Variants in TMEM107 observed in about 807,000 individuals in gnomAD.
TMEM107 encodes transmembrane protein 107.
A neutral mutation model predicts 16.8 loss-of-function variants in TMEM107; 18 were observed. The ratio of observed to expected loss-of-function variants is 1.07; its 90% confidence interval spans 0.74 to 1.59. TMEM107 has a LOEUF of 1.59. Among genes scored for constraint, TMEM107 ranks in the 40% most tolerant of loss-of-function variants. TMEM107 has a pLI of 0.00. For missense variants in TMEM107, 152 were observed against 175.4 expected, an observed-to-expected ratio of 0.87 and a Z score of 0.75; for synonymous variants, 68 against 71.6, an observed-to-expected ratio of 0.95 and a Z score of 0.25.
At chr17:8,174,665 A>G in intron 3 of TMEM107, 49 bp from the exon 4 acceptor site, 3 of 1,555,970 alleles carry the variant, frequency 1.9e-6, no homozygotes, top group Non-Finnish European at 2.7e-6. Flanking sequence ...ACAGACAGTG[A>G]TGGGTCAGAA....
Position 8,173,375 on chromosome 17 carries a change from T to C in TMEM107, c.*828A>G, listed in dbSNP as rs753374757. 49 of 671,130 alleles carry C rather than the reference T, an allele frequency of 7.3e-5. No individual in the cohort carries two copies. The highest frequency in any genetic ancestry group is 1.6e-4 in the East Asian group (6 of 38,138). The allele number at this position is 671,130 out of a possible 1,614,324, so 41.6% of individuals were successfully genotyped here. A position where few individuals can be genotyped will look rare whatever the true frequency, so the allele number is the denominator to read the frequency against. On this transcript the variant is annotated 3_prime_UTR_variant, in exon 5 of 5. Transcript: ENST00000437139. ...GCAAAATAGACAAACAGCAAGGTTATCCCAGTCAGAACTTCATAGCTATGT... is the reference window on the plus strand; with the variant it reads ...GCAAAATAGACAAACAGCAAGGTTACCCCAGTCAGAACTTCATAGCTATGT...
Position 8,174,116 on chromosome 17 carries a change from C to T in TMEM107, c.*87G>A, listed in dbSNP as rs1983927510. ...GCAGAAGCAGTTTCCGAGGGGAAAA[C>T]CGAAGCCTATGCCTTCCTTCTTCCA... On this transcript the variant is annotated 3_prime_UTR_variant, in exon 5 of 5. Coordinates refer to ENST00000437139, the MANE Select transcript of TMEM107 (RefSeq NM_183065.4). 4 of 1,210,814 alleles carry T rather than the reference C, an allele frequency of 3.3e-6. No homozygotes were observed. The highest frequency in any genetic ancestry group is 4.9e-6 in the Non-Finnish European group (4 of 817,718). 75.0% of individuals were successfully genotyped at this position (1,210,814 alleles called of 1,614,324 possible).
In TMEM107 at chr17:8,173,443, C is replaced by A. The variant is rs116395281; in HGVS notation, c.*760G>T. On this transcript the variant is annotated 3_prime_UTR_variant, in exon 5 of 5. Coordinates refer to ENST00000437139, the MANE Select transcript of TMEM107 (RefSeq NM_183065.4). Reference sequence around the variant, plus strand: ...TCAGCATAACACAAATGTAAGTGATCGTCAGAAAGAATCAGACAGGAGCAA... The same window carrying A: ...TCAGCATAACACAAATGTAAGTGATAGTCAGAAAGAATCAGACAGGAGCAA... 2.4e-3 allele frequency: 1,800 copies of A among 761,446 alleles called. 11 individuals carry two copies. The highest frequency in any genetic ancestry group is 0.02 in the African/African-American group (1,155 of 59,166). 47.2% of individuals were successfully genotyped at this position (761,446 alleles called of 1,614,324 possible). A position where few individuals can be genotyped will look rare whatever the true frequency, so the allele number is the denominator to read the frequency against.
In TMEM107 at chr17:8,175,027, C is replaced by G. The variant is rs376114927; in HGVS notation, c.257-411G>C. The G allele has an allele frequency of 8.1e-4, 159 of 196,844 alleles. 2 individuals carry two copies. In the South Asian group the frequency reaches 8.1e-3, roughly 10 times the overall value. The allele number at this position is 196,844 out of a possible 1,614,324, so 12.2% of individuals were successfully genotyped here. On this transcript the variant is annotated intron_variant, in intron 3 of 4. Coordinates refer to ENST00000437139, the MANE Select transcript of TMEM107 (RefSeq NM_183065.4). ...CTTTGCCTCTTCTGAGTTCCCAGTG[C>G]TCGCTTCCGTTGCCTCTTCTGAGTT...
At chr17:8,174,363 G>A (rs1983954611) in intron 4 of TMEM107, 91 bp from the exon 5 acceptor site, 1 of 1,343,212 alleles carries the variant, frequency 7.4e-7, no homozygotes, top group Non-Finnish European at 1.1e-6. Flanking sequence ...GTGTAGGGCA[G>A]GTGGCATGGG....
At position 8,173,474 on chromosome 17, in the gene TMEM107, G is replaced by C. The variant is rs148801759; in HGVS notation, c.*729C>G. The C allele has an allele frequency of 8.1e-5, 62 of 764,652 alleles. 1 individual carries two copies. Among genetic ancestry groups the C allele is most frequent in the South Asian group, 6.3e-4 (47 of 74,548 alleles). The allele number at this position is 764,652 out of a possible 1,614,324, so 47.4% of individuals were successfully genotyped here. Reference sequence around the variant, plus strand: ...AAAGAATCAGACAGGAGCAATCAGGGTGTTGCAAGTCCTGATTACGCAGAG... The same window carrying C: ...AAAGAATCAGACAGGAGCAATCAGGCTGTTGCAAGTCCTGATTACGCAGAG... On this transcript the variant is annotated 3_prime_UTR_variant, in exon 5 of 5. Coordinates refer to ENST00000437139, the MANE Select transcript of TMEM107 (RefSeq NM_183065.4).
At chr17:8,174,807 T>A (rs1329451180) in intron 3 of TMEM107, 191 bp from the exon 4 acceptor site, 2 of 601,512 alleles carry the variant, frequency 3.3e-6, no homozygotes, top group Non-Finnish European at 5.9e-6. Flanking sequence ...CAGAAGTGAC[T>A]GCACAGATCG....
chr17:8,173,293 T>G lies in TMEM107; in HGVS notation c.*910A>C, dbSNP rs1486769833. The stretch of plus-strand genomic sequence containing the variant: ...AGCAACAAAAACCAAATCACAATTT[T>G]CAAGAACAAACAAATTTAGCAAGAC... On this transcript the variant is annotated 3_prime_UTR_variant, in exon 5 of 5. Coordinates refer to ENST00000437139, the MANE Select transcript of TMEM107 (RefSeq NM_183065.4). The G allele has an allele frequency of 7.4e-6, 4 of 537,450 alleles. No homozygotes were observed. In the South Asian group the frequency reaches 1.1e-4, roughly 15 times the overall value. The allele number at this position is 537,450 out of a possible 1,614,324, so 33.3% of individuals were successfully genotyped here.
In TMEM107 at chr17:8,173,544, T is replaced by C. The variant is rs143605147; in HGVS notation, c.*659A>G. 3.4e-4 allele frequency: 262 copies of C among 765,382 alleles called. 1 individual carries two copies. Among genetic ancestry groups the C allele is most frequent in the East Asian group, 1.5e-3 (61 of 41,242 alleles). The allele number at this position is 765,382 out of a possible 1,614,324, so 47.4% of individuals were successfully genotyped here. ...CATCTCCAATCATCATGTTCTAATC[T>C]GCCCTCCGGAGGAGGAACAGGTAAG... On this transcript the variant is annotated 3_prime_UTR_variant, in exon 5 of 5. Coordinates refer to ENST00000437139, the MANE Select transcript of TMEM107 (RefSeq NM_183065.4).
At position 8,173,345 on chromosome 17, in the gene TMEM107, A is replaced by G. The variant is rs151227496; in HGVS notation, c.*858T>C. Reference sequence around the variant, plus strand: ...GCAAAATAGACAAACAGCAATAGCAAGACTGCAAAATAGACAAACAGCAAG... The same window carrying G: ...GCAAAATAGACAAACAGCAATAGCAGGACTGCAAAATAGACAAACAGCAAG... On this transcript the variant is annotated 3_prime_UTR_variant, in exon 5 of 5. Transcript: ENST00000437139. 4.0e-3 allele frequency: 2,403 copies of G among 600,226 alleles called. 33 individuals are homozygous for G. The highest frequency in any genetic ancestry group is 0.028 in the Admixed American group (1,154 of 41,432). 37.2% of individuals were successfully genotyped at this position (600,226 alleles called of 1,614,324 possible).
chr17:8,175,923 C>T, intron 2 of TMEM107, 36 bp downstream of exon 2: 2 of 1,614,214 alleles, frequency 1.2e-6, no homozygotes, highest in Non-Finnish European at 1.7e-6. Flanking sequence ...ACTCCCACCA[C>T]CTCTTCGTTC....
intron 3 of TMEM107, chr17:8,175,469 T>G: frequency 1.7e-6 from 1 of 599,368 alleles, no homozygotes. Flanking sequence ...CGGTGGGGTT[T>G]TTATTATTCC....
Position 8,173,557 on chromosome 17 carries a change from AG to A in TMEM107, c.*645del, listed in dbSNP as rs750849232. 3.9e-6 allele frequency: 3 copies of A among 765,404 alleles called. No individual in the cohort carries two copies. In the Admixed American group the frequency reaches 5.1e-5, roughly 13 times the overall value. The allele number at this position is 765,404 out of a possible 1,614,324, so 47.4% of individuals were successfully genotyped here. A position where few individuals can be genotyped will look rare whatever the true frequency, so the allele number is the denominator to read the frequency against. On this transcript the variant is annotated 3_prime_UTR_variant, in exon 5 of 5. Coordinates refer to ENST00000437139, the MANE Select transcript of TMEM107 (RefSeq NM_183065.4). ...CATGTTCTAATCTGCCCTCCGGAGGAGGAACAGGTAAGGATTATCCCACCTG... is the reference window on the plus strand; with the variant it reads ...CATGTTCTAATCTGCCCTCCGGAGGAGAACAGGTAAGGATTATCCCACCTG...
rs757103474 is a variant in TMEM107 at position 8,173,434 on chromosome 17, G to GT, written c.*768dup. 1 of 760,474 alleles carries GT rather than the reference G, an allele frequency of 1.3e-6. No individual in the cohort carries two copies. The highest frequency in any genetic ancestry group is 1.7e-5 in the Admixed American group (1 of 58,788). The allele number at this position is 760,474 out of a possible 1,614,324, so 47.1% of individuals were successfully genotyped here. A position where few individuals can be genotyped will look rare whatever the true frequency, so the allele number is the denominator to read the frequency against. ...ATCTGCTAATCAGCATAACACAAAT[G>GT]TAAGTGATCGTCAGAAAGAATCAGA... On this transcript the variant is annotated 3_prime_UTR_variant, in exon 5 of 5. Coordinates refer to ENST00000437139, the MANE Select transcript of TMEM107 (RefSeq NM_183065.4).
chr17:8,176,047 G>C, intron 1 of TMEM107, 21 bp from the exon 2 acceptor site: 2 of 1,614,204 alleles, frequency 1.2e-6, no homozygotes, highest in Non-Finnish European at 1.7e-6. Flanking sequence ...GGCACAGGAA[G>C]AGAAGTGAAA....
Position 8,173,441 on chromosome 17 carries a change from A to T in TMEM107, c.*762T>A, listed in dbSNP as rs200916348. On this transcript the variant is annotated 3_prime_UTR_variant, in exon 5 of 5. Coordinates refer to ENST00000437139, the MANE Select transcript of TMEM107 (RefSeq NM_183065.4). Reference sequence around the variant, plus strand: ...AATCAGCATAACACAAATGTAAGTGATCGTCAGAAAGAATCAGACAGGAGC... The same window carrying T: ...AATCAGCATAACACAAATGTAAGTGTTCGTCAGAAAGAATCAGACAGGAGC... 1 of 761,414 alleles carries T rather than the reference A, an allele frequency of 1.3e-6. No individual in the cohort carries two copies. Among genetic ancestry groups the T allele is most frequent in the Non-Finnish European group, 2.4e-6 (1 of 416,014 alleles). The allele number at this position is 761,414 out of a possible 1,614,324, so 47.2% of individuals were successfully genotyped here.
rs368022715 is a variant in TMEM107 at position 8,173,565 on chromosome 17, G to T, written c.*638C>A. ...AATCTGCCCTCCGGAGGAGGAACAG[G>T]TAAGGATTATCCCACCTGACGATAC... On this transcript the variant is annotated 3_prime_UTR_variant, in exon 5 of 5. Transcript: ENST00000437139. 3 of 765,266 alleles carry T rather than the reference G, an allele frequency of 3.9e-6. No individual in the cohort carries two copies. The highest frequency in any genetic ancestry group is 4.8e-5 in the East Asian group (2 of 41,246). 47.4% of individuals were successfully genotyped at this position (765,266 alleles called of 1,614,324 possible).
chr17:8,172,870 A>AAC lies in TMEM107; in HGVS notation c.*1332_*1333insGT, dbSNP rs1555525289. On this transcript the variant is annotated 3_prime_UTR_variant, in exon 5 of 5. Coordinates refer to ENST00000437139, the MANE Select transcript of TMEM107 (RefSeq NM_183065.4). Reference sequence around the variant, plus strand: ...GAGACTGTCTCAAAAAAAAAAAAAAAAAAAACCAAAAGAGGGGGGTGGTCA... The same window carrying AAC: ...GAGACTGTCTCAAAAAAAAAAAAAAAACAAAAACCAAAAGAGGGGGGTGGTCA... Among the ~76,000 whole-genome samples, 2 of 139,056 alleles carry AAC rather than the reference A, an allele frequency of 1.4e-5. No individual in the cohort carries two copies. Among genetic ancestry groups the AAC allele is most frequent in the African/African-American group, 2.5e-5 (1 of 39,828 alleles). 91.2% of individuals were successfully genotyped at this position (139,056 alleles called of 152,430 possible).
chr17:8,173,525 C>A lies in TMEM107; in HGVS notation c.*678G>T. ...ACGTTAATCACGTTTCATGCATCTC[C>A]AATCATCATGTTCTAATCTGCCCTC... On this transcript the variant is annotated 3_prime_UTR_variant, in exon 5 of 5. Transcript: ENST00000437139. 1.3e-6 allele frequency: 1 copy of A among 765,360 alleles called. No homozygotes were observed. The highest frequency in any genetic ancestry group is 1.3e-5 in the South Asian group (1 of 74,620). 47.4% of individuals were successfully genotyped at this position (765,360 alleles called of 1,614,324 possible).
Sources: allele counts gnomAD v4.1 joint callset (sites outside exome capture counted in the v4.1 genomes callset), GRCh38; gene constraint gnomAD v4.1.1; transcripts MANE v1.5; gene names NCBI Gene and HGNC (gene_info 2026-07-23, HGNC 2026-07-21).